PRKAR1A: variants seen among roughly 807,000 people sequenced by gnomAD.
PRKAR1A encodes protein kinase cAMP-dependent type I regulatory subunit alpha, also known as cAMP-dependent protein kinase type I-alpha regulatory subunit.
In PRKAR1A, 3 loss-of-function variants were observed where a neutral mutation model predicts 52.0. The observed-to-expected ratio is 0.06, with a 90% CI of 0.03 to 0.15. The LOEUF is 0.15. Among genes scored for constraint, PRKAR1A ranks in the 10% least tolerant of loss-of-function variants. The probability of loss-of-function intolerance (pLI) is 1.00; values close to 1 mark genes in which losing one functional copy is unlikely to be tolerated. For synonymous variants in PRKAR1A, 188 were observed against 168.4 expected, an observed-to-expected ratio of 1.12 and a Z score of -0.90; for missense variants, 240 against 477.4, an observed-to-expected ratio of 0.50 and a Z score of 4.63.
the PRKAR1A span, among the ~76,000 whole-genome samples, chr17:68,477,393 C>T: frequency 1.3e-5 from 2 of 152,188 alleles, no homozygotes; most frequent in Non-Finnish European, 2.9e-5. Context: ...GCAGTTGCAC[C>T]AGTAAATATT....
At chr17:68,541,648 CTGGTTATAGCAAGTGCTGTGCTG>C (rs1229866685) in intron 11 of PRKAR1A, 1 of 221,408 alleles carries the variant, frequency 4.5e-6, no homozygotes, top group Non-Finnish European at 9.0e-6. Context: ...CGTGTGCTCC[CTGGTTATAGCAAGTGCTGTGCTG>C]TGTTTTCGTG....
chr17:68,448,930 C>T, the PRKAR1A span, among the ~76,000 whole-genome samples: 29 of 152,192 alleles, frequency 1.9e-4, no homozygotes, highest in Admixed American at 6.5e-4. Flanking sequence ...CTGCTACTCC[C>T]TACTTAAAAG....
chr17:68,430,180 C>T, the PRKAR1A span: 299 of 1,602,758 alleles, frequency 1.9e-4, 1 homozygote, highest in South Asian at 3.1e-3. Context: ...AATGCACAGG[C>T]AACGATGGGA....
chr17:68,426,244 GGGAGC>G, the PRKAR1A span: 38 of 985,688 alleles, frequency 3.9e-5, no homozygotes, highest in Middle Eastern at 3.4e-4. Flanking sequence ...CTGGCGGGTG[GGGAGC>G]GGGGGCTCAA....
the PRKAR1A span, among the ~76,000 whole-genome samples, chr17:68,461,783 G>A: frequency 1.3e-5 from 2 of 152,144 alleles, no homozygotes; most frequent in Admixed American, 6.6e-5. This position sits in a 1 kb window ranked among gnomAD's most constrained non-coding sequence, Gnocchi z 4.6. Flanking sequence ...GTGTCAGTAC[G>A]TGGAGGAAGC....
At chr17:68,493,628 C>T in the PRKAR1A span, 1 of 149,470 alleles carries the variant, frequency 6.7e-6, no homozygotes, top group African/African-American at 2.5e-5. Flanking sequence ...GAGTCTTGCT[C>T]TGTTACCCAG....
At chr17:68,541,014 G>A in intron 11 of PRKAR1A, 15 of 1,549,052 alleles carry the variant, frequency 9.7e-6, no homozygotes, top group Non-Finnish European at 1.2e-5. Context: ...GGGTGTCGGG[G>A]GTCTCCCCAC....
At chr17:68,465,002 T>A in the PRKAR1A span, among the ~76,000 whole-genome samples, 1 of 150,232 alleles carries the variant, frequency 6.7e-6, no homozygotes, top group South Asian at 2.2e-4. Flanking sequence ...CTCCGCTCAC[T>A]GCAAGCTCCA....
intron 11 of PRKAR1A, chr17:68,543,790 A>G: frequency 3.0e-6 from 4 of 1,321,710 alleles, no homozygotes; most frequent in Non-Finnish European, 4.4e-6. Flanking sequence ...AGAGCTGATG[A>G]GCATGACCAG....
the PRKAR1A span, among the ~76,000 whole-genome samples, chr17:68,436,997 AAAAAAAAAATATAT>A: frequency 2.2e-4 from 13 of 58,988 alleles, no homozygotes; most frequent in Admixed American, 3.6e-4. Flanking sequence ...CCGTCTCAAA[AAAAAAAAAATATAT>A]ATATATGTGT....
the PRKAR1A span, among the ~76,000 whole-genome samples, chr17:68,499,848 A>G: frequency 6.6e-6 from 1 of 152,234 alleles, no homozygotes; most frequent in Non-Finnish European, 1.5e-5. Context: ...AAGTATGGCC[A>G]GCCAGCCCAG....
rs557410290 is a variant in PRKAR1A at position 68,533,148 on chromosome 17, T to C, written c.*2699T>C. On this transcript the variant is annotated 3_prime_UTR_variant, in exon 11 of 11. Transcript: ENST00000589228. ...TAAATTTAATATATACATTTAATGTTACTTAGGGATACTTTTATATTTTGC... is the reference window on the plus strand; with the variant it reads ...TAAATTTAATATATACATTTAATGTCACTTAGGGATACTTTTATATTTTGC... 8 of 1,059,028 alleles carry C rather than the reference T, an allele frequency of 7.6e-6. No homozygotes were observed. The East Asian group carries it at 3.5e-4, about 47-fold the overall frequency. 65.6% of individuals were successfully genotyped at this position (1,059,028 alleles called of 1,614,324 possible). A position where few individuals can be genotyped will look rare whatever the true frequency, so the allele number is the denominator to read the frequency against.
At chr17:68,544,673 G>C (rs1215421008) in intron 11 of PRKAR1A, among the ~76,000 whole-genome samples, 3 of 152,170 alleles carry the variant, frequency 2.0e-5, no homozygotes, top group Admixed American at 1.3e-4. Context: ...GCTGCCAAAA[G>C]TAGAGATTCT....
rs570374190 is a variant in PRKAR1A at position 68,548,145 on chromosome 17, A to G, written c.974-2939A>G. 2.0e-5 allele frequency among the ~76,000 whole-genome samples: 3 copies of G among 152,344 alleles called. 1 individual carries two copies. The highest frequency in any genetic ancestry group is 7.2e-5 in the African/African-American group (3 of 41,582). ...TGCAGTGGCTCACACCTGTAATCCTAGCACTTTGGAAGGCCAAGGTTGGCA... is the reference window on the plus strand; with the variant it reads ...TGCAGTGGCTCACACCTGTAATCCTGGCACTTTGGAAGGCCAAGGTTGGCA... On this transcript the variant is annotated intron_variant, in intron 11 of 11. Transcript: ENST00000585981.
At chr17:68,524,783 G>A (rs1041106787) in intron 5 of PRKAR1A, 129 bp from the exon 6 acceptor site, 1 of 763,044 alleles carries the variant, frequency 1.3e-6, no homozygotes, top group Non-Finnish European at 2.2e-6. Flanking sequence ...TCTTTCCCCT[G>A]AAAGATTGTG....
the PRKAR1A span, among the ~76,000 whole-genome samples, chr17:68,465,562 C>A: frequency 6.6e-6 from 1 of 151,356 alleles, no homozygotes; most frequent in Non-Finnish European, 1.5e-5. Flanking sequence ...TCAAGCAATT[C>A]TCTTGCCTCA....
the PRKAR1A span, among the ~76,000 whole-genome samples, chr17:68,482,703 G>A: frequency 6.6e-6 from 1 of 152,186 alleles, no homozygotes; most frequent in African/African-American, 2.4e-5. Context: ...GGGCAGAAAA[G>A]GAGGCTTTGT....
At chr17:68,507,877 A>G (rs1478634509), upstream of PRKAR1A, among the ~76,000 whole-genome samples, 1 of 152,260 alleles carries the variant, frequency 6.6e-6, no homozygotes, top group African/African-American at 2.4e-5. Context: ...CACTGAATAC[A>G]TGCTTGTGAT....
intron 2 of PRKAR1A, among the ~76,000 whole-genome samples, chr17:68,519,832 TG>T (rs1353680442): frequency 7.9e-5 from 12 of 152,358 alleles, no homozygotes; most frequent in African/African-American, 2.9e-4. Flanking sequence ...AGGTACTGTG[TG>T]AAGCACTTTA....
Sources: gnomAD v4.1 joint callset for allele counts (sites outside exome capture counted in the v4.1 genomes callset) on GRCh38, gnomAD v4.1.1 for gene constraint, Gnocchi (gnomAD v3.1) non-coding constraint, MANE v1.5 for transcripts, NCBI Gene and HGNC (gene_info 2026-07-23, HGNC 2026-07-21) for gene names.